Variants in CLEC12A observed in about 807,000 individuals in gnomAD.
The protein encoded by CLEC12A is C-type lectin protein CLL-1.
Under a neutral mutation model 26.5 loss-of-function variants are expected in CLEC12A, and 22 were observed. The observed-to-expected ratio is 0.83, with a 90% CI of 0.59 to 1.19. The LOEUF is 1.19. Among genes scored for constraint, CLEC12A ranks in the 50% most tolerant of loss-of-function variants. The pLI, the probability that CLEC12A is intolerant of heterozygous loss-of-function variation, is 0.00. For synonymous variants in CLEC12A, 119 were observed against 101.9 expected (o/e 1.17, Z -1.01); for missense variants, 353 against 315.6 (o/e 1.12, Z -0.90).
chr12:9,991,861 AGAGT>A (rs760952834), intron 4 of CLEC12A: 17 of 152,128 alleles, frequency 1.1e-4, no homozygotes, highest in Non-Finnish European at 1.8e-4. Flanking sequence ...AGCCAGATAG[AGAGT>A]AAGTTCTAAA....
intron 1 of CLEC12A, among the ~76,000 whole-genome samples, chr12:9,960,800 G>A (rs1336951558): frequency 2.0e-5 from 3 of 152,156 alleles, no homozygotes; most frequent in East Asian, 3.8e-4. Flanking sequence ...CCGACTTTCA[G>A]GCAAGGAACT....
rs1187357132 is a variant in CLEC12A at position 9,979,389 on chromosome 12, A to G, written c.244A>G (p.Ser82Gly). 3 of 1,609,732 alleles carry G rather than the reference A, an allele frequency of 1.9e-6. No homozygotes were observed. The highest frequency in any genetic ancestry group is 2.2e-5 in the East Asian group (1 of 44,774). Residue 82 changes from serine (S) to glycine (G), a missense_variant, in exon 3 of 6, where the codon AGT becomes GGT. Ser to Gly is a moderately conservative substitution (Grantham distance 56). Transcript: ENST00000304361. ...MKKMNKLQNISEELQRNISLQ... is the reference protein window; with the variant it reads ...MKKMNKLQNIGEELQRNISLQ... ...AAAAATGAACAAACTACAAAACATC[A>G]GTGAAGAGCTCCAGAGAAATATTTC...
chr12:9,987,818 T>G (rs1432602858), downstream of CLEC12A, among the ~76,000 whole-genome samples: 1 of 151,928 alleles, frequency 6.6e-6, no homozygotes, highest in East Asian at 1.9e-4. Context: ...ATTTATTTAT[T>G]TTTTTTTGAG....
chr12:9,967,108 G>A (rs936553082), upstream of CLEC12A, among the ~76,000 whole-genome samples: 16 of 151,882 alleles, frequency 1.1e-4, no homozygotes, highest in African/African-American at 2.7e-4. Context: ...AGAAGTGGAG[G>A]CTGAGGAAGA....
At chr12:9,974,790 A>C (rs1864266808) in intron 1 of CLEC12A, among the ~76,000 whole-genome samples, 1 of 152,206 alleles carries the variant, frequency 6.6e-6, no homozygotes, top group African/African-American at 2.4e-5. Flanking sequence ...AGCAATAAGC[A>C]GCAGAACCAG....
At chr12:9,965,718 G>A (rs1383679805) in intron 1 of CLEC12A, among the ~76,000 whole-genome samples, 1 of 151,972 alleles carries the variant, frequency 6.6e-6, no homozygotes, top group African/African-American at 2.4e-5. Flanking sequence ...GTAAAATGGG[G>A]GAATTGTAAG....
chr12:9,980,643 A>C lies in CLEC12A; in HGVS notation c.441A>C (p.Leu147=). The C allele has an allele frequency of 6.2e-7, 1 of 1,613,870 alleles. No homozygotes were observed. The highest frequency in any genetic ancestry group is 8.5e-7 in the Non-Finnish European group (1 of 1,179,846). Residue 147 remains leucine (L), a synonymous_variant, in exon 4 of 6, where the codon CTA becomes CTC. Transcript: ENST00000304361. ...GGCATAAGGACAGCTGTTATTTCCT[A>C]AGTGATGATGTCCAAACATGGCAGG... is the stretch of plus-strand genomic sequence containing the variant. ...WIWHKDSCYF[L]SDDVQTWQES...
chr12:9,966,585 G>A (rs61913537), upstream of CLEC12A, among the ~76,000 whole-genome samples: 44,555 of 151,668 alleles, frequency 0.29, 6,817 homozygotes, highest in East Asian at 0.46. Flanking sequence ...TGGTTTAGGC[G>A]TTTGGAAGTT....
intron 1 of CLEC12A, among the ~76,000 whole-genome samples, chr12:9,956,101 G>T (rs1366034642): frequency 6.6e-6 from 1 of 152,256 alleles, no homozygotes; most frequent in East Asian, 1.9e-4. Flanking sequence ...GATCTGAGAA[G>T]TATTCAAAAA....
chr12:9,972,785 GA>G (rs1264583363), intron 1 of CLEC12A, among the ~76,000 whole-genome samples: 1 of 152,034 alleles, frequency 6.6e-6, no homozygotes, highest in Non-Finnish European at 1.5e-5. Context: ...TTTTAATACT[GA>G]AATTTTTTTT....
chr12:10,002,650 G>T, the CLEC12A span, among the ~76,000 whole-genome samples: 1 of 151,920 alleles, frequency 6.6e-6, no homozygotes, highest in East Asian at 1.9e-4. Flanking sequence ...CACCGTGTTA[G>T]CCAGGATGAT....
Position 9,985,344 on chromosome 12 carries a change from T to C in CLEC12A, c.*318T>C, listed in dbSNP as rs1389038214. ...TACGTTCTTCCCCTTCTGGCCAAGA[T>C]TTGCCAGAGGCAACATCAAAAACCA... is the stretch of plus-strand genomic sequence containing the variant. On this transcript the variant is annotated 3_prime_UTR_variant, in exon 6 of 6. Transcript: ENST00000304361. 2.5e-6 allele frequency: 1 copy of C among 399,038 alleles called. No homozygotes were observed. Among genetic ancestry groups the C allele is most frequent in the Non-Finnish European group, 4.4e-6 (1 of 227,156 alleles). 24.7% of individuals were successfully genotyped at this position (399,038 alleles called of 1,614,324 possible).
At chr12:9,970,731 C>T (rs1292312166), upstream of CLEC12A, among the ~76,000 whole-genome samples, 1 of 152,112 alleles carries the variant, frequency 6.6e-6, no homozygotes, top group Non-Finnish European at 1.5e-5. Context: ...TTATAGTTTT[C>T]CTGGCCTGCA....
upstream of CLEC12A, among the ~76,000 whole-genome samples, chr12:9,971,052 G>C (rs1401096352): frequency 1.3e-5 from 2 of 152,112 alleles, no homozygotes; most frequent in African/African-American, 2.4e-5. Context: ...CTCTCTGTAT[G>C]TTCAGTCTCC....
downstream of CLEC12A, among the ~76,000 whole-genome samples, chr12:10,000,156 G>A (rs1049353931): frequency 1.3e-5 from 2 of 152,072 alleles, no homozygotes; most frequent in African/African-American, 4.8e-5. Context: ...TAAGTAGTAG[G>A]CATTTACCTT....
At chr12:9,965,224 C>T (rs1003915480) in intron 1 of CLEC12A, among the ~76,000 whole-genome samples, 10 of 152,036 alleles carry the variant, frequency 6.6e-5, no homozygotes, top group Non-Finnish European at 1.0e-4. Context: ...CTACAGGGTG[C>T]GGTCCCAGCT....
rs368040741 is a variant in CLEC12A at position 9,979,529 on chromosome 12, T to A, written c.379+5T>A. 3 of 1,596,056 alleles carry A rather than the reference T, an allele frequency of 1.9e-6. No homozygotes were observed. Among genetic ancestry groups the A allele is most frequent in the Non-Finnish European group, 1.7e-6 (2 of 1,168,776 alleles). On this transcript the variant is annotated splice_donor_5th_base_variant and intron_variant, in intron 3 of 5. Transcript: ENST00000304361. ...AGCTATATAGCAAAGAACAAGGTAA[T>A]CTTGTATTCTCTTGGAGTTATTTAT...
downstream of CLEC12A, among the ~76,000 whole-genome samples, chr12:9,987,171 G>A (rs1381022628): frequency 6.6e-6 from 1 of 152,186 alleles, no homozygotes; most frequent in Non-Finnish European, 1.5e-5. Flanking sequence ...CAAGCCAACA[G>A]CTCATGAAAG....
chr12:9,987,636 T>A (rs1049896951), downstream of CLEC12A, among the ~76,000 whole-genome samples: 2 of 152,196 alleles, frequency 1.3e-5, no homozygotes, highest in African/African-American at 2.4e-5. Context: ...CCCAGTCAGA[T>A]ATAGTACCCA....
Sources: allele counts gnomAD v4.1 joint callset (sites outside exome capture counted in the v4.1 genomes callset), GRCh38; gene constraint gnomAD v4.1.1; transcripts MANE v1.5; gene names NCBI Gene and HGNC (gene_info 2026-07-23, HGNC 2026-07-21).